AK9: variants seen among roughly 807,000 people sequenced by gnomAD.
AK9 encodes the protein adenylate kinase domain containing 1.
In AK9, 191 loss-of-function variants were observed where a neutral mutation model predicts 239.6. That is an observed-to-expected ratio of 0.80 (90% CI 0.71 to 0.90). The LOEUF is 0.90. Ranked by LOEUF, AK9 falls within the 40% of genes least tolerant of loss-of-function variation. AK9 has a pLI of 0.00. For synonymous variants in AK9, 689 were observed against 721.0 expected, an observed-to-expected ratio of 0.96 and a Z score of 0.71; for missense variants, 1,995 against 2,214.7, an observed-to-expected ratio of 0.90 and a Z score of 1.99.
intron 17 of AK9, among the ~76,000 whole-genome samples, chr6:109,593,341 A>G (rs1461838695): frequency 1.3e-5 from 2 of 152,150 alleles, no homozygotes; most frequent in Non-Finnish European, 2.9e-5. Flanking sequence ...TGAACAGACA[A>G]TAATGAGTTC....
chr6:109,495,355 G>C lies in AK9; in HGVS notation c.5401C>G (p.Pro1801Ala), dbSNP rs747742013. The change falls in exon 39 of 41, where the codon CCT (proline) becomes GCT (alanine). Residue 1801 changes from proline to alanine, a missense_variant. Physicochemically the swap from Pro to Ala is conservative, Grantham distance 27. Coordinates refer to ENST00000424296, the MANE Select transcript of AK9 (RefSeq NM_001145128.3). ...AAAAGAACCTGTTCCAGATATCCAGGCAAAGGAAGACTAGTAAGAAGTATC... is the reference window on the plus strand; with the variant it reads ...AAAAGAACCTGTTCCAGATATCCAGCCAAAGGAAGACTAGTAAGAAGTATC... ...EPILLTSLPL[P>A]GYLEQGIATS... is the part of the protein sequence containing the mutation. 1.2e-6 allele frequency: 2 copies of C among 1,612,844 alleles called. No homozygotes were observed. Among genetic ancestry groups the C allele is most frequent in the South Asian group, 2.2e-5 (2 of 90,954 alleles).
At chr6:109,493,614 A>G (rs1384605882) in intron 40 of AK9, 43 bp from the exon 41 acceptor site, 1 of 1,538,064 alleles carries the variant, frequency 6.5e-7, no homozygotes, top group East Asian at 2.2e-5. Context: ...TCTGCTAGTT[A>G]GTGAGTCATT....
chr6:109,589,272 T>TC (rs1204026062), intron 17 of AK9, among the ~76,000 whole-genome samples: 9 of 152,216 alleles, frequency 5.9e-5, no homozygotes, highest in Admixed American at 5.9e-4. Flanking sequence ...TTTGTAGTTC[T>TC]CCTTGTAGAG....
At chr6:109,578,645 G>C (rs1426269043) in intron 20 of AK9, among the ~76,000 whole-genome samples, 5 of 152,012 alleles carry the variant, frequency 3.3e-5, no homozygotes, top group African/African-American at 9.7e-5. Flanking sequence ...TTGTCTATTT[G>C]TGTTCTTTCA....
intron 28 of AK9, 84 bp downstream of exon 28, chr6:109,533,167 T>C: frequency 9.8e-7 from 1 of 1,023,384 alleles, no homozygotes; most frequent in East Asian, 2.7e-5. Context: ...TAGAATACTA[T>C]ATTTTTTGTG....
rs55899214 is a variant in AK9, at chr6:109,547,846, C to CA, written c.2965-1720dup. Among the ~76,000 whole-genome samples, 1,157 of 121,682 alleles carry CA rather than the reference C, an allele frequency of 9.5e-3. 12 individuals carry two copies. The highest frequency in any genetic ancestry group is 0.048 in the East Asian group (221 of 4,614). 79.8% of individuals were successfully genotyped at this position (121,682 alleles called of 152,430 possible). On this transcript the variant is annotated intron_variant, in intron 25 of 40. Transcript: ENST00000424296. ...ATAAAGAACTCAAACAGCTCAGTAG[C>CA]AAAAAAAAAAAAAAAAAAACCCAAA...
chr6:109,528,512 A>G (rs1389386814), intron 29 of AK9: 1 of 452,790 alleles, frequency 2.2e-6, no homozygotes, highest in Non-Finnish European at 4.5e-6. Flanking sequence ...TAATTTTCTC[A>G]GTCCAATGGT....
At chr6:109,545,329 T>C (rs1265017072) in intron 26 of AK9, among the ~76,000 whole-genome samples, 1 of 152,218 alleles carries the variant, frequency 6.6e-6, no homozygotes, top group Non-Finnish European at 1.5e-5. Context: ...TAGTCCCAGC[T>C]ACTTGGGAGG....
intron 10 of AK9, among the ~76,000 whole-genome samples, chr6:109,636,345 G>A (rs9374112): frequency 0.21 from 31,550 of 151,928 alleles, 3,448 homozygotes; most frequent in South Asian, 0.34. Context: ...GAGCTGCATA[G>A]TAGAATCTCC....
chr6:109,638,800 C>A (rs1049757445), intron 10 of AK9, among the ~76,000 whole-genome samples: 5 of 152,112 alleles, frequency 3.3e-5, no homozygotes, highest in Non-Finnish European at 7.4e-5. Flanking sequence ...ATCCCTCCCC[C>A]AGATCCCCAC....
At chr6:109,627,713 T>C (rs1258762449) in intron 12 of AK9, among the ~76,000 whole-genome samples, 2 of 152,118 alleles carry the variant, frequency 1.3e-5, no homozygotes, top group Non-Finnish European at 2.9e-5. Context: ...TGGAATGCAG[T>C]GGTGTAATCT....
chr6:109,535,857 T>C (rs569723985), intron 27 of AK9, among the ~76,000 whole-genome samples: 7 of 152,366 alleles, frequency 4.6e-5, no homozygotes, highest in African/African-American at 1.7e-4. Context: ...ATTTATTAAA[T>C]AGGGAATCCT....
At position 109,561,414 on chromosome 6, in the gene AK9, C is replaced by T. The variant is rs528115399; in HGVS notation, c.2751+2183G>A. On this transcript the variant is annotated intron_variant, in intron 24 of 40. Transcript: ENST00000424296. ...CACTGAAGCCTCGACCTCCTGGGCTCGGGCGATCCTCCCACCTGTCTCCTG... is the reference window on the plus strand; with the variant it reads ...CACTGAAGCCTCGACCTCCTGGGCTTGGGCGATCCTCCCACCTGTCTCCTG... Among the ~76,000 whole-genome samples, 7 of 152,218 alleles carry T rather than the reference C, an allele frequency of 4.6e-5. No individual in the cohort carries two copies. In the East Asian group the frequency reaches 1.2e-3, roughly 25 times the overall value.
chr6:109,582,393 T>A (rs1211297474), intron 19 of AK9, among the ~76,000 whole-genome samples: 3 of 152,066 alleles, frequency 2.0e-5, no homozygotes, highest in Non-Finnish European at 4.4e-5. Context: ...TGGGAGGAGG[T>A]CAAAATATCC....
intron 33 of AK9, among the ~76,000 whole-genome samples, chr6:109,507,640 A>G (rs185455176): frequency 6.6e-6 from 1 of 152,304 alleles, no homozygotes; most frequent in East Asian, 1.9e-4. Flanking sequence ...GTGAGGTGGG[A>G]GCAAGCTGGG....
At chr6:109,575,802 AGATTT>A (rs542694267) in intron 20 of AK9, among the ~76,000 whole-genome samples, 95 of 152,306 alleles carry the variant, frequency 6.2e-4, no homozygotes, top group Middle Eastern at 3.4e-3. Context: ...TTCAGGTCTT[AGATTT>A]AAGTCCTTGA....
At chr6:109,684,671 G>A (rs1273994037) in intron 1 of AK9, among the ~76,000 whole-genome samples, 1 of 146,466 alleles carries the variant, frequency 6.8e-6, no homozygotes, top group Non-Finnish European at 1.5e-5. Flanking sequence ...TCAGGAGATT[G>A]AGACCATCCC....
chr6:109,665,961 T>C (rs936607542), intron 5 of AK9, among the ~76,000 whole-genome samples: 21 of 152,242 alleles, frequency 1.4e-4, no homozygotes, highest in Admixed American at 7.9e-4. Flanking sequence ...CACGTGCAAC[T>C]GTTTGCAGGA....
At chr6:109,535,943 C>T (rs763037832) in intron 27 of AK9, among the ~76,000 whole-genome samples, 8 of 152,134 alleles carry the variant, frequency 5.3e-5, no homozygotes, top group Non-Finnish European at 1.2e-4. Flanking sequence ...TCTGAGGGCT[C>T]TGTTGTGTTC....
Sources: gnomAD v4.1 joint callset for allele counts (sites outside exome capture counted in the v4.1 genomes callset) on GRCh38, gnomAD v4.1.1 for gene constraint, MANE v1.5 for transcripts, NCBI Gene and HGNC (gene_info 2026-07-23, HGNC 2026-07-21) for gene names.